Variants in NMNAT2 observed in about 807,000 individuals in gnomAD.
The protein encoded by NMNAT2 is nicotinamide/nicotinic acid mononucleotide adenylyltransferase 2.
Under a neutral mutation model 41.6 loss-of-function variants are expected in NMNAT2, and 11 were observed. The observed-to-expected ratio is 0.26, with a 90% CI of 0.17 to 0.44. The LOEUF is 0.44. Among genes scored for constraint, NMNAT2 ranks in the 20% least tolerant of loss-of-function variants. NMNAT2 has a pLI of 1.00. For synonymous variants in NMNAT2, 148 were observed against 151.2 expected, an observed-to-expected ratio of 0.98 and a Z score of 0.16; for missense variants, 288 against 407.7, an observed-to-expected ratio of 0.71 and a Z score of 2.53.
intron 10 of NMNAT2, among the ~76,000 whole-genome samples, chr1:183,258,391 A>G (rs76515883): frequency 0.01 from 1,536 of 152,290 alleles, 32 homozygotes; most frequent in African/African-American, 0.035. Flanking sequence ...CAAAATTATG[A>G]CTGAGGCAGT....
At chr1:183,349,244 T>A (rs990488483) in intron 1 of NMNAT2, among the ~76,000 whole-genome samples, 5 of 152,264 alleles carry the variant, frequency 3.3e-5, no homozygotes, top group South Asian at 2.1e-4. Context: ...CATGATGGAA[T>A]GGAAAGCAGG....
intron 7 of NMNAT2, 52 bp from the exon 8 acceptor site, chr1:183,278,681 C>T (rs1213035196): frequency 3.1e-6 from 4 of 1,298,446 alleles, no homozygotes; most frequent in Admixed American, 1.7e-5. Context: ...GCCCGGGAAG[C>T]ATTTGACCCT....
chr1:183,385,198 TC>T (rs1648181604), intron 1 of NMNAT2, among the ~76,000 whole-genome samples: 1 of 151,180 alleles, frequency 6.6e-6, no homozygotes, highest in African/African-American at 2.5e-5. Context: ...TGAGACTCTG[TC>T]TCTAAAAAAA....
chr1:183,286,748 G>A lies in NMNAT2; in HGVS notation c.362C>T (p.Ser121Phe), dbSNP rs1476737288. The A allele has an allele frequency of 1.2e-5, 20 of 1,611,890 alleles. No homozygotes were observed. Among genetic ancestry groups the A allele is most frequent in the Non-Finnish European group, 1.7e-5 (20 of 1,179,086 alleles). Residue 121 changes from serine to phenylalanine, a missense_variant, in exon 5 of 11, where the codon TCC becomes TTC. By Grantham distance (155) the Ser-to-Phe change is radical. Coordinates refer to ENST00000287713, the MANE Select transcript of NMNAT2 (RefSeq NM_015039.4). The stretch of plus-strand genomic sequence containing the variant: ...TGGCTGTCCGATCACAGGTGTCATG[G>A]AAGGTGTGTTGACATTGGAGAGGAT... Reference protein sequence around the residue: ...GCILSNVNTPSMTPVIGQPQN... With the variant: ...GCILSNVNTPFMTPVIGQPQN...
At chr1:183,290,380 C>T (rs529079135) in intron 3 of NMNAT2, among the ~76,000 whole-genome samples, 174 bp from the exon 4 acceptor site, 3 of 152,292 alleles carry the variant, frequency 2.0e-5, no homozygotes, top group South Asian at 2.1e-4. Context: ...TCAGTTTCCT[C>T]CTCTGTAAAA....
intron 1 of NMNAT2, among the ~76,000 whole-genome samples, chr1:183,321,922 G>C (rs1277709174): frequency 1.3e-5 from 2 of 152,014 alleles, no homozygotes; most frequent in Admixed American, 6.5e-5. Context: ...GGGCTCAAGC[G>C]AACCTCCCAC....
rs539791187 is a variant in NMNAT2 at position 183,281,637 on chromosome 1, C to T, written c.574+2358G>A. Among the ~76,000 whole-genome samples the T allele has an allele frequency of 6.4e-3, 982 of 152,288 alleles. 4 individuals carry two copies. Among genetic ancestry groups the T allele is most frequent in the Non-Finnish European group, 8.6e-3 (588 of 68,024 alleles). On this transcript the variant is annotated intron_variant, in intron 7 of 10. Coordinates refer to ENST00000287713, the MANE Select transcript of NMNAT2 (RefSeq NM_015039.4). ...AAGCGGCCCCAGCAGGGCTTGAGAT[C>T]CCACATATGGCCACTGGAGGGCAGC...
intron 8 of NMNAT2, among the ~76,000 whole-genome samples, chr1:183,264,180 A>G: frequency 6.6e-6 from 1 of 152,098 alleles, no homozygotes; most frequent in Non-Finnish European, 1.5e-5. Flanking sequence ...TGTTTCATAT[A>G]TGATGTTTGT....
At chr1:183,372,333 TG>T (rs1468855654) in intron 1 of NMNAT2, among the ~76,000 whole-genome samples, 1 of 151,422 alleles carries the variant, frequency 6.6e-6, no homozygotes, top group African/African-American at 2.4e-5. Context: ...ACAGAAGCAA[TG>T]ACTACAGAGA....
At chr1:183,417,421 G>A (rs907975830) in intron 1 of NMNAT2, among the ~76,000 whole-genome samples, 1 of 151,892 alleles carries the variant, frequency 6.6e-6, no homozygotes, top group African/African-American at 2.4e-5. Context: ...GAGTGCCATC[G>A]CCACCCTGGG....
intron 1 of NMNAT2, among the ~76,000 whole-genome samples, chr1:183,318,435 C>T (rs1354353961): frequency 4.6e-5 from 7 of 152,100 alleles, no homozygotes; most frequent in African/African-American, 7.2e-5. Context: ...GTTCTGTGCT[C>T]GGAAGTCAGG....
chr1:183,349,651 A>G lies in NMNAT2; in HGVS notation c.86-55858T>C, dbSNP rs150368122. ...GGCACTCAGAGCAGCAGAAAATAATATGGCTAAAATCCACGGCAGCAGTGG... is the reference window on the plus strand; with the variant it reads ...GGCACTCAGAGCAGCAGAAAATAATGTGGCTAAAATCCACGGCAGCAGTGG... On this transcript the variant is annotated intron_variant, in intron 1 of 10. Transcript: ENST00000287713. Among the ~76,000 whole-genome samples the G allele has an allele frequency of 1.4e-3, 206 of 152,350 alleles. 6 individuals carry two copies. In the East Asian group the frequency reaches 0.028, roughly 21 times the overall value.
At chr1:183,316,860 GA>G (rs1348861594) in intron 1 of NMNAT2, among the ~76,000 whole-genome samples, 1 of 152,198 alleles carries the variant, frequency 6.6e-6, no homozygotes, top group Non-Finnish European at 1.5e-5. Context: ...TCCACTTATA[GA>G]AATTGAGGTG....
chr1:183,336,377 C>T (rs1236113484), intron 1 of NMNAT2, among the ~76,000 whole-genome samples: 1 of 152,090 alleles, frequency 6.6e-6, no homozygotes, highest in Non-Finnish European at 1.5e-5. Context: ...AATGAGATAC[C>T]ACCTCATACC....
intron 1 of NMNAT2, among the ~76,000 whole-genome samples, chr1:183,369,314 G>A (rs1557891692): frequency 7.3e-6 from 1 of 136,682 alleles, no homozygotes; most frequent in Non-Finnish European, 1.5e-5. Context: ...ATCTTGCTCT[G>A]TTGCCAGGCT....
chr1:183,303,281 G>C (rs12033486), intron 1 of NMNAT2, among the ~76,000 whole-genome samples: 1 of 152,204 alleles, frequency 6.6e-6, no homozygotes, highest in African/African-American at 2.4e-5. Flanking sequence ...GGCCAAATTA[G>C]GAGGGTTTTG....
At chr1:183,335,767 A>G (rs1330706783) in intron 1 of NMNAT2, among the ~76,000 whole-genome samples, 1 of 152,196 alleles carries the variant, frequency 6.6e-6, no homozygotes, top group East Asian at 1.9e-4. Context: ...TTTGCCAACT[A>G]GATTATAGGG....
intron 1 of NMNAT2, among the ~76,000 whole-genome samples, chr1:183,354,274 G>A (rs1418635867): frequency 1.3e-5 from 2 of 151,988 alleles, no homozygotes; most frequent in African/African-American, 2.4e-5. Flanking sequence ...TGAGAGAGGA[G>A]GAAGGACAAT....
chr1:183,315,889 A>G (rs1330981274), intron 1 of NMNAT2, among the ~76,000 whole-genome samples: 3 of 152,182 alleles, frequency 2.0e-5, no homozygotes, highest in Non-Finnish European at 2.9e-5. Flanking sequence ...CTTTCTGCAC[A>G]TGTACCACAG....
Sources: gnomAD v4.1 joint callset for allele counts (sites outside exome capture counted in the v4.1 genomes callset) on GRCh38, gnomAD v4.1.1 for gene constraint, MANE v1.5 for transcripts, NCBI Gene and HGNC (gene_info 2026-07-23, HGNC 2026-07-21) for gene names.